The following ITIH5 variants were observed in gnomAD, a reference collection of about 807,000 sequenced individuals.
The protein encoded by ITIH5 is inter-alpha-trypsin inhibitor heavy chain 5.
Under a neutral mutation model 77.5 loss-of-function variants are expected in ITIH5, and 65 were observed. That is an observed-to-expected ratio of 0.84 (90% CI 0.69 to 1.03). The LOEUF is 1.03. Among genes scored for constraint, ITIH5 ranks in the 50% least tolerant of loss-of-function variants. The probability of loss-of-function intolerance (pLI) is 0.00; values close to 1 mark genes in which losing one functional copy is unlikely to be tolerated. For missense variants in ITIH5, 1,208 were observed against 1,213.1 expected, an observed-to-expected ratio of 1.00 and a Z score of 0.06; for synonymous variants, 525 against 494.3, an observed-to-expected ratio of 1.06 and a Z score of -0.82.
chr10:7,643,124 T>A (rs895446721), intron 2 of ITIH5, among the ~76,000 whole-genome samples: 1 of 152,134 alleles, frequency 6.6e-6, no homozygotes, highest in Non-Finnish European at 1.5e-5. Flanking sequence ...TCTCCATGTG[T>A]GTGCACCAAG....
Position 7,576,868 on chromosome 10 carries a change from C to T in ITIH5, c.1563G>A (p.Arg521=). 2 of 1,614,142 alleles carry T rather than the reference C, an allele frequency of 1.2e-6. No individual in the cohort carries two copies. The highest frequency in any genetic ancestry group is 1.1e-5 in the South Asian group (1 of 91,072). The stretch of plus-strand genomic sequence containing the variant: ...CCTCCACGTGCAGGTGATCCAGCTT[C>T]CTGTCCACCAGCTTCCCCGCAATGA... The part of the protein sequence containing the change: ...EIIIAGKLVD[R]KLDHLHVEVT... The change falls in exon 10 of 14, where the codon AGG becomes AGA. Residue 521 remains arginine, a synonymous_variant. Transcript: ENST00000397146.
At position 7,577,001 on chromosome 10, in the gene ITIH5, T is replaced by A. The variant is rs202110156; in HGVS notation, c.1430A>T (p.Glu477Val). The change falls in exon 10 of 14, where the codon GAA (glutamate) becomes GTA (valine). Residue 477 changes from glutamate (E) to valine (V), a missense_variant. Glu to Val is a moderately radical substitution (Grantham distance 121). Coordinates refer to ENST00000397146, the MANE Select transcript of ITIH5 (RefSeq NM_030569.7). ...AGSQLIGFYDEIRTPLLSDIR... is the reference protein window; with the variant it reads ...AGSQLIGFYDVIRTPLLSDIR... ...GTCAGAGAGGAGCGGGGTCCTGATTTCATCGTAGAACCTGCAGTGGAAGCA... is the reference window on the plus strand; with the variant it reads ...GTCAGAGAGGAGCGGGGTCCTGATTACATCGTAGAACCTGCAGTGGAAGCA... The A allele has an allele frequency of 4.9e-4, 789 of 1,608,590 alleles. No homozygotes were observed. Among genetic ancestry groups the A allele is most frequent in the Non-Finnish European group, 6.4e-4 (749 of 1,176,240 alleles).
At chr10:7,601,616 C>T (rs1390500253) in intron 7 of ITIH5, among the ~76,000 whole-genome samples, 1 of 152,116 alleles carries the variant, frequency 6.6e-6, no homozygotes, top group East Asian at 1.9e-4. Flanking sequence ...CTCTGCATGA[C>T]CTGCTTCTGG....
rs1833898739 is a variant in ITIH5 at position 7,642,048 on chromosome 10, T to A, written c.178A>T (p.Ile60Phe). 1 of 1,614,116 alleles carries A rather than the reference T, an allele frequency of 6.2e-7. No individual in the cohort carries two copies. The highest frequency in any genetic ancestry group is 8.5e-7 in the Non-Finnish European group (1 of 1,179,952). ...LMTEFSVKST[I>F]ISRYAFTTVS... ...GTAGTGAAGGCATAACGGGAAATGA[T>A]GGTAGACTTCACTGAGAATTCTGTC... The change falls in exon 3 of 14, where the codon ATC becomes TTC. Residue 60 changes from isoleucine to phenylalanine, a missense_variant. Physicochemically the swap from Ile to Phe is conservative, Grantham distance 21. Transcript: ENST00000397146.
chr10:7,627,064 A>G (rs1232584603), intron 5 of ITIH5, among the ~76,000 whole-genome samples: 2 of 152,160 alleles, frequency 1.3e-5, no homozygotes, highest in Non-Finnish European at 2.9e-5. Context: ...TACGAAGACA[A>G]CCGAAGTCTT....
Position 7,636,193 on chromosome 10 carries a change from T to A in ITIH5, c.652+1035A>T, listed in dbSNP as rs528532778. On this transcript the variant is annotated intron_variant, in intron 5 of 13. Transcript: ENST00000397146. ...CCCCCTCCCAAAAAAAGAAAAAAAA[T>A]ACGGTGATTAAAACTAGATTATACT... Among the ~76,000 whole-genome samples the A allele has an allele frequency of 1.1e-3, 162 of 151,986 alleles. 1 individual carries two copies. Among genetic ancestry groups the A allele is most frequent in the African/African-American group, 3.8e-3 (157 of 41,460 alleles).
intron 8 of ITIH5, among the ~76,000 whole-genome samples, chr10:7,581,960 C>G (rs575423661): frequency 1.4e-5 from 2 of 148,112 alleles, no homozygotes; most frequent in Non-Finnish European, 3.0e-5. Context: ...ACTGCAACCT[C>G]TGCCTCCTGT....
chr10:7,560,975 A>G lies in ITIH5; in HGVS notation c.*2108T>C, dbSNP rs1197194480. ...ACAGAAAATACTATATTTTTTTTTTATCAAATGCAAAGGTCCTAACTATAA... is the reference window on the plus strand; with the variant it reads ...ACAGAAAATACTATATTTTTTTTTTGTCAAATGCAAAGGTCCTAACTATAA... On this transcript the variant is annotated 3_prime_UTR_variant, in exon 14 of 14. Transcript: ENST00000397146. 7.2e-6 allele frequency: 1 copy of G among 139,488 alleles called. No individual in the cohort carries two copies. Among genetic ancestry groups the G allele is most frequent in the East Asian group, 2.1e-4 (1 of 4,722 alleles). The allele number at this position is 139,488 out of a possible 1,614,324, so 8.6% of individuals were successfully genotyped here.
chr10:7,666,757 A>C lies in ITIH5; in HGVS notation c.90+46T>G, dbSNP rs776125767. 9 of 1,509,566 alleles carry C rather than the reference A, an allele frequency of 6.0e-6. No homozygotes were observed. The African/African-American group carries it at 9.7e-5, about 16-fold the overall frequency. 93.5% of individuals were successfully genotyped at this position (1,509,566 alleles called of 1,614,324 possible). ...CTCCGCGGCCGGGCCGGCGGAGGGA[A>C]GGGGGCGGCCGCGCCCGGGACCCGG... On this transcript the variant is annotated intron_variant, in intron 1 of 13. Transcript: ENST00000397146.
intron 12 of ITIH5, among the ~76,000 whole-genome samples, chr10:7,566,838 GGAAGAGGAAGAAGAAGAA>G (rs1468701362): frequency 0.014 from 163 of 11,910 alleles, no homozygotes; most frequent in Middle Eastern, 0.12. Context: ...AAGAGGAAGA[GGAAGAGGAAGAAGAAGAA>G]GAAGAAGAAG....
At chr10:7,581,469 C>A (rs184952807) in intron 8 of ITIH5, among the ~76,000 whole-genome samples, 1 of 152,040 alleles carries the variant, frequency 6.6e-6, no homozygotes, top group East Asian at 1.9e-4. Context: ...TCCTTTTTTT[C>A]TTTTGATGAT....
intron 9 of ITIH5, among the ~76,000 whole-genome samples, chr10:7,578,109 C>A (rs530063325): frequency 1.3e-5 from 2 of 152,168 alleles, no homozygotes; most frequent in Admixed American, 1.3e-4. Context: ...AATCCTGTAG[C>A]ATTAAGGACA....
intron 7 of ITIH5, among the ~76,000 whole-genome samples, chr10:7,596,573 C>A (rs1403581525): frequency 6.6e-6 from 1 of 152,182 alleles, no homozygotes; most frequent in African/African-American, 2.4e-5. Context: ...TTCAAGGGAA[C>A]TCAGCATTAG....
chr10:7,563,221 G>A lies in ITIH5; in HGVS notation c.2691C>T (p.Asn897=), dbSNP rs767367042. 72 of 1,614,106 alleles carry A rather than the reference G, an allele frequency of 4.5e-5. No homozygotes were observed. Among genetic ancestry groups the A allele is most frequent in the Middle Eastern group, 3.3e-4 (2 of 6,084 alleles). Reference sequence around the variant, plus strand: ...ACCAGCAGTCTATCTGCTCTTCCCCGTTGTAAATCTTCCTTTGCTTCCAGA... The same window carrying A: ...ACCAGCAGTCTATCTGCTCTTCCCCATTGTAAATCTTCCTTTGCTTCCAGA... The part of the protein sequence containing the change: ...PVVWKQRKIY[N]GEEQIDCWFA... The change falls in exon 14 of 14, where the codon AAC becomes AAT. Residue 897 remains asparagine, a synonymous_variant. Coordinates refer to ENST00000397146, the MANE Select transcript of ITIH5 (RefSeq NM_030569.7).
In ITIH5 at chr10:7,570,818, C is replaced by T. The variant is rs189503878; in HGVS notation, c.2033-1034G>A. On this transcript the variant is annotated intron_variant, in intron 11 of 13. Transcript: ENST00000397146. Reference sequence around the variant, plus strand: ...TTTATTTTTTGTAGGGACAGGGTCTCACTATGTTGCCCAGGCTGGTCTCAA... The same window carrying T: ...TTTATTTTTTGTAGGGACAGGGTCTTACTATGTTGCCCAGGCTGGTCTCAA... Among the ~76,000 whole-genome samples the T allele has an allele frequency of 3.4e-3, 510 of 152,084 alleles. 4 individuals carry two copies. In the Middle Eastern group the frequency reaches 0.041, roughly 12 times the overall value.
intron 12 of ITIH5, among the ~76,000 whole-genome samples, chr10:7,568,065 T>G (rs2130942515): frequency 6.6e-6 from 1 of 152,290 alleles, no homozygotes; most frequent in East Asian, 1.9e-4. Flanking sequence ...GAGCAAGGCC[T>G]GTGAACCAGG....
At chr10:7,624,576 G>C (rs1356108448) in intron 5 of ITIH5, among the ~76,000 whole-genome samples, 1 of 151,400 alleles carries the variant, frequency 6.6e-6, no homozygotes, top group East Asian at 2.0e-4. Flanking sequence ...CCAGCACTTT[G>C]GGAGGCCAAG....
chr10:7,619,756 TTCACCTCCATGGTCCAA>T (rs1211534937), intron 5 of ITIH5: 1 of 175,626 alleles, frequency 5.7e-6, no homozygotes, highest in Admixed American at 5.7e-5. Context: ...AAGGGGGAAA[TTCACCTCCATGGTCCAA>T]TCACCTCCCA....
intron 7 of ITIH5, among the ~76,000 whole-genome samples, chr10:7,586,848 T>TTC (rs397847271): frequency 1.3e-5 from 2 of 151,388 alleles, no homozygotes; most frequent in East Asian, 3.9e-4. Context: ...ATTTTTTTTT[T>TTC]CATACAAACT....
Sources: allele counts gnomAD v4.1 joint callset (sites outside exome capture counted in the v4.1 genomes callset), GRCh38; gene constraint gnomAD v4.1.1; transcripts MANE v1.5; gene names NCBI Gene and HGNC (gene_info 2026-07-23, HGNC 2026-07-21).